Variants in TBC1D4 observed in about 807,000 individuals in gnomAD.
TBC1D4 encodes the protein TBC (Tre-2, BUB2, CDC16) domain-containing protein.
Under a neutral mutation model 142.5 loss-of-function variants are expected in TBC1D4, and 121 were observed. The ratio of observed to expected loss-of-function variants is 0.85; its 90% CI spans 0.73 to 0.99. TBC1D4 has a LOEUF of 0.99. Ranked by LOEUF, TBC1D4 falls within the 50% of genes least tolerant of loss-of-function variation. The pLI is 0.00. For missense variants in TBC1D4, 1,475 were observed against 1,606.6 expected (o/e 0.92, Z 1.40); for synonymous variants, 630 against 628.2 (o/e 1.00, Z -0.04).
At chr13:75,328,470 T>C (rs74096220) in intron 8 of TBC1D4, among the ~76,000 whole-genome samples, 2,520 of 152,196 alleles carry the variant, frequency 0.017, 71 homozygotes, top group African/African-American at 0.056. Flanking sequence ...ATCTAAGAGA[T>C]CACCTAAGAT....
Position 75,424,868 on chromosome 13 carries a change from C to T in TBC1D4, c.498+56402G>A, listed in dbSNP as rs181141943. On this transcript the variant is annotated intron_variant, in intron 1 of 20. Transcript: ENST00000377636. ...ACCATATACAGAAATCAACTCAAACCGAATTAAAGACTTAGACATAAAATC... is the reference window on the plus strand; with the variant it reads ...ACCATATACAGAAATCAACTCAAACTGAATTAAAGACTTAGACATAAAATC... Among the ~76,000 whole-genome samples the T allele has an allele frequency of 2.4e-3, 370 of 152,150 alleles. 2 individuals are homozygous for T. The highest frequency in any genetic ancestry group is 8.5e-3 in the African/African-American group (354 of 41,508).
At chr13:75,386,042 G>A (rs1393289115) in intron 1 of TBC1D4, among the ~76,000 whole-genome samples, 1 of 152,184 alleles carries the variant, frequency 6.6e-6, no homozygotes, top group African/African-American at 2.4e-5. Flanking sequence ...AACATCATAA[G>A]TTTAATTGTA....
chr13:75,375,284 T>C (rs1424127378), intron 1 of TBC1D4, among the ~76,000 whole-genome samples: 2 of 152,188 alleles, frequency 1.3e-5, no homozygotes, highest in Admixed American at 1.3e-4. Flanking sequence ...AGAGGTGTGG[T>C]AAATGAGCTC....
At chr13:75,381,144 G>A (rs1883825437) in intron 1 of TBC1D4, among the ~76,000 whole-genome samples, 1 of 152,094 alleles carries the variant, frequency 6.6e-6, no homozygotes, top group Non-Finnish European at 1.5e-5. Context: ...TAATAAAGTG[G>A]ATGAATTAAC....
chr13:75,334,082 TAATA>T (rs1879990804), intron 8 of TBC1D4, among the ~76,000 whole-genome samples: 1 of 152,184 alleles, frequency 6.6e-6, no homozygotes, highest in African/African-American at 2.4e-5. Flanking sequence ...CATTAGTAAT[TAATA>T]AATATTAATT....
chr13:75,351,090 G>C (rs192755107), intron 4 of TBC1D4, among the ~76,000 whole-genome samples: 1 of 152,220 alleles, frequency 6.6e-6, no homozygotes, highest in African/African-American at 2.4e-5. Flanking sequence ...TACACCAACA[G>C]AAAGAAAGTA....
chr13:75,315,445 C>A (rs1878242407), intron 12 of TBC1D4, among the ~76,000 whole-genome samples: 1 of 43,148 alleles, frequency 2.3e-5, no homozygotes. Context: ...TATATATTTG[C>A]TTTTACTTGC....
In TBC1D4 at chr13:75,300,173, T is replaced by C. The variant is rs568630109; in HGVS notation, c.2912-599A>G. On this transcript the variant is annotated intron_variant, in intron 16 of 20. Coordinates refer to ENST00000377636, the MANE Select transcript of TBC1D4 (RefSeq NM_014832.5). ...TCTTAAAATACCTCCATGAGCCATG[T>C]AAACCACTTTTCTTTTTCAATATCT... is the stretch of plus-strand genomic sequence containing the variant. 4.6e-5 allele frequency among the ~76,000 whole-genome samples: 7 copies of C among 152,332 alleles called. No homozygotes were observed. In the East Asian group the frequency reaches 1.3e-3, roughly 29 times the overall value.
At chr13:75,366,857 G>C in intron 1 of TBC1D4, 1 of 747,344 alleles carries the variant, frequency 1.3e-6, no homozygotes, top group Non-Finnish European at 1.6e-6. Context: ...GATGTTCAAA[G>C]ACCTGAACAA....
At chr13:75,462,402 A>G (rs1465619982) in intron 1 of TBC1D4, among the ~76,000 whole-genome samples, 1 of 152,216 alleles carries the variant, frequency 6.6e-6, no homozygotes, top group African/African-American at 2.4e-5. Flanking sequence ...TGTTATATTT[A>G]TAACTTGCTT....
chr13:75,284,474 G>C lies in TBC1D4; in HGVS notation c.*2318C>G, dbSNP rs552347973. On this transcript the variant is annotated 3_prime_UTR_variant, in exon 21 of 21. Transcript: ENST00000377636. ...TCCTGCATGCACAGTTCACAATAGG[G>C]TTTGCGCTCCTATGAGAATCTAATG... is the stretch of plus-strand genomic sequence containing the variant. 6.6e-6 allele frequency among the ~76,000 whole-genome samples: 1 copy of C among 152,220 alleles called. No homozygotes were observed. Among genetic ancestry groups the C allele is most frequent in the South Asian group, 2.1e-4 (1 of 4,824 alleles).
chr13:75,324,532 T>A, intron 10 of TBC1D4, 131 bp from the exon 11 acceptor site: 1 of 1,066,852 alleles, frequency 9.4e-7, no homozygotes, highest in African/African-American at 1.6e-5. Context: ...GGGCTGGATC[T>A]TACATGAAAA....
At chr13:75,412,663 A>G (rs988098750) in intron 1 of TBC1D4, among the ~76,000 whole-genome samples, 2 of 152,190 alleles carry the variant, frequency 1.3e-5, no homozygotes, top group African/African-American at 4.8e-5. Flanking sequence ...AACTAAATTG[A>G]TTCCACAATT....
chr13:75,421,723 T>C (rs1411200352), intron 1 of TBC1D4, among the ~76,000 whole-genome samples: 3 of 152,224 alleles, frequency 2.0e-5, no homozygotes, highest in African/African-American at 4.8e-5. Context: ...ATTACAAATG[T>C]ACCTCATTTC....
At chr13:75,370,998 G>A (rs1267131476) in intron 1 of TBC1D4, among the ~76,000 whole-genome samples, 2 of 151,982 alleles carry the variant, frequency 1.3e-5, no homozygotes, top group African/African-American at 4.8e-5. Context: ...AAATATGAAT[G>A]AAAGAAAATA....
Position 75,362,235 on chromosome 13 carries a change from T to C in TBC1D4, c.871A>G (p.Ser291Gly). The change falls in exon 2 of 21, where the codon AGC (serine) becomes GGC (glycine). Residue 291 changes from serine to glycine, a missense_variant. Physicochemically the swap from Ser to Gly is moderately conservative, Grantham distance 56 (BLOSUM62 0). Around this residue, in one of 2 missense-constraint regions of TBC1D4, gnomAD observed 1,227 missense variants for 1,267.7 expected, o/e 0.97. Transcript: ENST00000377636. This position sits in a 1 kb window ranked among gnomAD's most constrained non-coding sequence, Gnocchi z 4.2. ...PAGASQPALT[S>G]SRVCFPERIL... ...CGCTCAGGGAAGCAGACCCGAGAGCTGGTCAGGGCAGGCTGGCTGGCCCCG... is the reference window on the plus strand; with the variant it reads ...CGCTCAGGGAAGCAGACCCGAGAGCCGGTCAGGGCAGGCTGGCTGGCCCCG... 2 of 1,613,722 alleles carry C rather than the reference T, an allele frequency of 1.2e-6. No individual in the cohort carries two copies. Among genetic ancestry groups the C allele is most frequent in the South Asian group, 1.1e-5 (1 of 91,074 alleles).
intron 1 of TBC1D4, among the ~76,000 whole-genome samples, chr13:75,468,190 C>T (rs780772541): frequency 1.2e-4 from 18 of 152,126 alleles, no homozygotes; most frequent in South Asian, 2.1e-4. Context: ...TGACTAATTA[C>T]GGAAGAGTGG....
intron 1 of TBC1D4, among the ~76,000 whole-genome samples, chr13:75,378,448 T>A (rs1298315049): frequency 2.6e-5 from 4 of 152,070 alleles, no homozygotes; most frequent in Admixed American, 2.6e-4. Flanking sequence ...CATTAAATGG[T>A]GTAACAGATT....
At chr13:75,348,167 C>A (rs934857277) in intron 5 of TBC1D4, among the ~76,000 whole-genome samples, 1 of 151,938 alleles carries the variant, frequency 6.6e-6, no homozygotes, top group Non-Finnish European at 1.5e-5. Flanking sequence ...AAAAAAAAAA[C>A]CTGTGTTTGA....
Sources: allele counts gnomAD v4.1 joint callset (sites outside exome capture counted in the v4.1 genomes callset), GRCh38; gene constraint gnomAD v4.1.1; regional missense constraint gnomAD v4.1.1; non-coding constraint Gnocchi (gnomAD v3.1); transcripts MANE v1.5; gene names NCBI Gene and HGNC (gene_info 2026-07-23, HGNC 2026-07-21).